Variants in NBAS observed in about 807,000 individuals in gnomAD.
The protein encoded by NBAS is NBAS subunit of NRZ tethering complex.
In NBAS, 219 loss-of-function variants were observed where a neutral mutation model predicts 302.5. The observed-to-expected ratio is 0.72, with a 90% CI of 0.65 to 0.81. The LOEUF (loss-of-function observed/expected upper bound fraction) is 0.81. Ranked by LOEUF, NBAS falls within the 30% of genes least tolerant of loss-of-function variation. NBAS has a pLI of 0.00. For synonymous variants in NBAS, 1,118 were observed against 1,021.6 expected, an observed-to-expected ratio of 1.09 and a Z score of -1.80; for missense variants, 2,932 against 2,841.6, an observed-to-expected ratio of 1.03 and a Z score of -0.72.
At chr2:15,417,438 C>G in intron 24 of NBAS, 89 bp downstream of exon 24, 1 of 1,135,136 alleles carries the variant, frequency 8.8e-7, no homozygotes, top group South Asian at 1.4e-5. Context: ...GTCTGTAGAA[C>G]ATTTCATCTT....
At chr2:15,560,901 A>C (rs1311217211) in intron 1 of NBAS, among the ~76,000 whole-genome samples, 2 of 152,090 alleles carry the variant, frequency 1.3e-5, no homozygotes, top group Non-Finnish European at 2.9e-5. Flanking sequence ...CTCCCAATAC[A>C]GAGAGCGAAA....
intron 32 of NBAS, among the ~76,000 whole-genome samples, chr2:15,361,668 T>C (rs970282680): frequency 2.6e-5 from 4 of 152,128 alleles, no homozygotes; most frequent in African/African-American, 7.2e-5. Flanking sequence ...TAAAGAGCCT[T>C]AAAATTATTT....
chr2:15,360,815 G>C (rs13035283), intron 32 of NBAS, among the ~76,000 whole-genome samples: 77,733 of 151,890 alleles, frequency 0.51, 23,346 homozygotes, highest in Non-Finnish European at 0.68. Context: ...AACACATGGA[G>C]CTATCATCTC....
chr2:15,308,249 T>C lies in NBAS; in HGVS notation c.4764A>G (p.Pro1588=), dbSNP rs770722560. ...GAGGATGGCACTTGTCCCTGAAACATGGGGCCAATCGGGCATAGATCTGGA... is the reference window on the plus strand; with the variant it reads ...GAGGATGGCACTTGTCCCTGAAACACGGGGCCAATCGGGCATAGATCTGGA... The part of the protein sequence containing the change: ...YSLQIYARLA[P]CFRDKCHPLY... The change falls in exon 40 of 52, where the codon CCA becomes CCG. Residue 1588 remains proline, a synonymous_variant. Transcript: ENST00000281513. The C allele has an allele frequency of 1.4e-5, 22 of 1,614,022 alleles. No homozygotes were observed. The South Asian group carries it at 2.3e-4, about 17-fold the overall frequency.
intron 26 of NBAS, among the ~76,000 whole-genome samples, chr2:15,398,047 A>G (rs6717492): frequency 0.63 from 95,170 of 151,968 alleles, 30,560 homozygotes; most frequent in Middle Eastern, 0.69. Flanking sequence ...TCCTTCAGAA[A>G]ATTATTCATC....
At position 15,308,312 on chromosome 2, in the gene NBAS, A is replaced by G. The variant is rs548724707; in HGVS notation, c.4701T>C (p.Ser1567=). 1.2e-6 allele frequency: 2 copies of G among 1,614,220 alleles called. No individual in the cohort carries two copies. The highest frequency in any genetic ancestry group is 2.2e-5 in the East Asian group (1 of 44,880). ...ACGCTGCCAGCTGGAGAGATAATGC[A>G]GAGGGGGACTGCTTTTCAAAGCACC... ...ANRCFEKQSP[S]ALSLQLAAYY... The change falls in exon 40 of 52, where the codon TCT becomes TCC. Residue 1567 remains serine, a synonymous_variant. Transcript: ENST00000281513.
the NBAS span, among the ~76,000 whole-genome samples, chr2:14,822,252 GA>G: frequency 6.6e-6 from 1 of 152,054 alleles, no homozygotes. Context: ...TGCCAGAAGG[GA>G]CTGTCAACAT....
At chr2:14,827,976 T>A in the NBAS span, among the ~76,000 whole-genome samples, 1 of 152,302 alleles carries the variant, frequency 6.6e-6, no homozygotes, top group African/African-American at 2.4e-5. Flanking sequence ...GAAATTTTTT[T>A]AAAAAATAAA....
chr2:15,359,590 T>G (rs948186936), intron 32 of NBAS, among the ~76,000 whole-genome samples: 7 of 152,122 alleles, frequency 4.6e-5, no homozygotes, highest in African/African-American at 1.7e-4. Flanking sequence ...ACATAAAATA[T>G]TTTATTTCTT....
the NBAS span, among the ~76,000 whole-genome samples, chr2:14,906,610 T>C: frequency 6.6e-6 from 1 of 152,144 alleles, no homozygotes; most frequent in Non-Finnish European, 1.5e-5. Context: ...CCTGAAGCTC[T>C]GAGGGATAAC....
chr2:15,525,496 A>T (rs1303855698), intron 9 of NBAS, among the ~76,000 whole-genome samples: 1 of 152,232 alleles, frequency 6.6e-6, no homozygotes, highest in Non-Finnish European at 1.5e-5. Flanking sequence ...AAATATTTTT[A>T]AAATTTTCTA....
rs1224504196 is a variant in NBAS, at chr2:15,356,323, C to G, written c.3911G>C (p.Cys1304Ser). 6.2e-7 allele frequency: 1 copy of G among 1,613,674 alleles called. No homozygotes were observed. The highest frequency in any genetic ancestry group is 1.3e-5 in the African/African-American group (1 of 74,894). Residue 1304 changes from cysteine to serine, a missense_variant, in exon 33 of 52, where the codon TGT (cysteine) becomes TCT (serine). Cys to Ser is a moderately radical substitution (Grantham distance 112). Coordinates refer to ENST00000281513, the MANE Select transcript of NBAS (RefSeq NM_015909.4). ...CTCACCTGTGGCCATCAGCTCCTGA[C>G]AATGCATACTGGCTGCTTTGTAGTC... ...FHDYKAASMH[C>S]QELMATGYPK...
the NBAS span, among the ~76,000 whole-genome samples, chr2:15,119,701 T>C: frequency 6.6e-6 from 1 of 152,122 alleles, no homozygotes; most frequent in East Asian, 1.9e-4. Context: ...TGCATCTGGC[T>C]GTGGGAAGGG....
chr2:15,111,539 G>A, the NBAS span, among the ~76,000 whole-genome samples: 9 of 152,004 alleles, frequency 5.9e-5, no homozygotes, highest in Non-Finnish European at 7.4e-5. Context: ...TGACTGAGGG[G>A]TTTACACACT....
intron 28 of NBAS, 106 bp downstream of exon 28, chr2:15,394,121 C>A: frequency 8.5e-7 from 1 of 1,178,786 alleles, no homozygotes; most frequent in Non-Finnish European, 1.2e-6. Context: ...TAAATATGTG[C>A]AGTTTATTAT....
At chr2:14,865,845 T>C in the NBAS span, among the ~76,000 whole-genome samples, 1 of 152,178 alleles carries the variant, frequency 6.6e-6, no homozygotes, top group East Asian at 1.9e-4. Context: ...ACTAGAAAAA[T>C]TGAAGCTTGG....
chr2:14,881,381 G>T, the NBAS span, among the ~76,000 whole-genome samples: 2 of 152,168 alleles, frequency 1.3e-5, no homozygotes, highest in African/African-American at 4.8e-5. Context: ...GAGGAAGAAA[G>T]GGAAGGGTTC....
At chr2:15,280,653 A>G (rs1669783281) in intron 42 of NBAS, among the ~76,000 whole-genome samples, 1 of 152,214 alleles carries the variant, frequency 6.6e-6, no homozygotes, top group African/African-American at 2.4e-5. Context: ...AATGAAGCTG[A>G]TATTTTCACG....
Position 15,473,249 on chromosome 2 carries a change from G to A in NBAS, c.1698C>T (p.Val566=), listed in dbSNP as rs1202502059. ...VYQRQWRKSA[V]NVASIQNYLS... ...AATAATTCTGAATTGAAGCAACGTT[G>A]ACCGCTGACTTCCTCCACTGCCTCT... Residue 566 remains valine (V), a synonymous_variant, in exon 16 of 52, where the codon GTC becomes GTT. Coordinates refer to ENST00000281513, the MANE Select transcript of NBAS (RefSeq NM_015909.4). 1 of 1,613,914 alleles carries A rather than the reference G, an allele frequency of 6.2e-7. No homozygotes were observed. Among genetic ancestry groups the A allele is most frequent in the African/African-American group, 1.3e-5 (1 of 74,906 alleles).
Sources: allele counts gnomAD v4.1 joint callset (sites outside exome capture counted in the v4.1 genomes callset), GRCh38; gene constraint gnomAD v4.1.1; transcripts MANE v1.5; gene names NCBI Gene and HGNC (gene_info 2026-07-23, HGNC 2026-07-21).